DLGAP1: variants seen among roughly 807,000 people sequenced by gnomAD.
DLGAP1 encodes the protein DLG associated protein 1, also known as disks large-associated protein 1.
DLGAP1 carries 11 observed loss-of-function variants against 90.8 expected under a neutral mutation model. The ratio of observed to expected loss-of-function variants is 0.12; its 90% CI spans 0.08 to 0.20. The LOEUF (loss-of-function observed/expected upper bound fraction) is 0.20. Among genes scored for constraint, DLGAP1 ranks in the 10% least tolerant of loss-of-function variants. The pLI is 1.00. For missense variants in DLGAP1, 1,050 were observed against 1,333.8 expected (o/e 0.79, Z 3.31); for synonymous variants, 558 against 540.7 (o/e 1.03, Z -0.44).
intron 2 of DLGAP1, among the ~76,000 whole-genome samples, chr18:4,035,532 G>C (rs2074874373): frequency 6.6e-6 from 1 of 152,070 alleles, no homozygotes; most frequent in South Asian, 2.1e-4. Context: ...GGGATGAGAA[G>C]ACACAAAAAT....
At chr18:3,795,605 C>T (rs539233600) in intron 5 of DLGAP1, among the ~76,000 whole-genome samples, 155 of 152,148 alleles carry the variant, frequency 1.0e-3, no homozygotes, top group African/African-American at 3.5e-3. Flanking sequence ...TGAGTCACCG[C>T]GCCTGGCCTG....
intron 9 of DLGAP1, among the ~76,000 whole-genome samples, chr18:3,561,012 T>A (rs1336710898): frequency 2.7e-5 from 4 of 150,892 alleles, no homozygotes; most frequent in Non-Finnish European, 5.9e-5. Flanking sequence ...ATTCCTTGTA[T>A]CATTGCTGCC....
intron 7 of DLGAP1, among the ~76,000 whole-genome samples, chr18:3,655,057 C>G (rs2059433840): frequency 6.6e-6 from 1 of 152,050 alleles, no homozygotes; most frequent in Admixed American, 6.6e-5. Context: ...AACTCCAGCC[C>G]CCTGAACGGC....
intron 3 of DLGAP1, among the ~76,000 whole-genome samples, chr18:3,900,896 G>A (rs886633382): frequency 2.0e-5 from 3 of 152,038 alleles, no homozygotes; most frequent in African/African-American, 2.4e-5. Flanking sequence ...AAGCCACCTC[G>A]CCTCTCCCAT....
At chr18:4,229,820 T>C (rs2078263781) in intron 1 of DLGAP1, among the ~76,000 whole-genome samples, 1 of 152,036 alleles carries the variant, frequency 6.6e-6, no homozygotes, top group Non-Finnish European at 1.5e-5. Context: ...TAAAAGTTCC[T>C]GCACAGCAAA....
rs369894353 is a variant in DLGAP1, at chr18:3,699,019, G to T, written c.1591+30116C>A. Among the ~76,000 whole-genome samples, 13 of 152,078 alleles carry T rather than the reference G, an allele frequency of 8.5e-5. No homozygotes were observed. In the East Asian group the frequency reaches 2.1e-3, roughly 25 times the overall value. On this transcript the variant is annotated intron_variant, in intron 7 of 12. Transcript: ENST00000315677. ...GGTCATTTATGTTCTTCTCTAATCT[G>T]GTTATTCTAGCTATCAATTCCTCTA...
At chr18:4,021,865 C>T (rs989381170) in intron 2 of DLGAP1, among the ~76,000 whole-genome samples, 45 of 152,176 alleles carry the variant, frequency 3.0e-4, no homozygotes, top group Non-Finnish European at 6.0e-4. Context: ...TCCCAAAGTG[C>T]TGGGATTACA....
At chr18:4,290,055 C>T (rs758303527) in intron 1 of DLGAP1, among the ~76,000 whole-genome samples, 59 of 152,234 alleles carry the variant, frequency 3.9e-4, no homozygotes, top group Non-Finnish European at 7.5e-4. Flanking sequence ...TATAGAAGTG[C>T]TACTACATCT....
chr18:4,002,925 G>A (rs768111854), intron 3 of DLGAP1, among the ~76,000 whole-genome samples: 12 of 152,232 alleles, frequency 7.9e-5, no homozygotes, highest in African/African-American at 1.9e-4. Context: ...AAGTCTCTGC[G>A]TGTCTCTTTG....
intron 3 of DLGAP1, among the ~76,000 whole-genome samples, chr18:3,942,645 C>T (rs1489027115): frequency 6.6e-6 from 1 of 152,160 alleles, no homozygotes; most frequent in Non-Finnish European, 1.5e-5. Context: ...TGCATCTGCC[C>T]CTTCACAGTG....
intron 5 of DLGAP1, among the ~76,000 whole-genome samples, chr18:3,813,736 T>C (rs1007506014): frequency 5.3e-5 from 8 of 152,258 alleles, no homozygotes; most frequent in African/African-American, 1.9e-4. Flanking sequence ...GATACATGTA[T>C]ATTCTCATTG....
In DLGAP1 at chr18:3,845,421, C is replaced by T. The variant is rs549219560; in HGVS notation, c.958-31148G>A. The stretch of plus-strand genomic sequence containing the variant: ...GGGGAGAGTGGTTGGTCATGGCTCA[C>T]AACTCAAGATTTGCAACTTTACATT... On this transcript the variant is annotated intron_variant, in intron 4 of 12. Coordinates refer to ENST00000315677, the MANE Select transcript of DLGAP1 (RefSeq NM_004746.4). 5.3e-5 allele frequency: 72 copies of T among 1,361,230 alleles called. 1 individual carries two copies. The African/African-American group carries it at 9.6e-4, about 18-fold the overall frequency. The allele number at this position is 1,361,230 out of a possible 1,614,324, so 84.3% of individuals were successfully genotyped here.
chr18:3,728,303 T>A (rs2062265504), intron 7 of DLGAP1, among the ~76,000 whole-genome samples: 1 of 100,594 alleles, frequency 9.9e-6, no homozygotes, highest in East Asian at 3.6e-4. Context: ...GCAAATGTTA[T>A]ATATATATAT....
chr18:4,358,472 C>A (rs1187993520), intron 1 of DLGAP1, among the ~76,000 whole-genome samples: 1 of 152,152 alleles, frequency 6.6e-6, no homozygotes. Flanking sequence ...GTGTGTGCCG[C>A]TTAGGGAGTG....
intron 7 of DLGAP1, among the ~76,000 whole-genome samples, chr18:3,689,122 A>C (rs543061718): frequency 2.0e-5 from 3 of 152,340 alleles, no homozygotes; most frequent in African/African-American, 7.2e-5. Context: ...ACGTTTACTA[A>C]GTTAAAAAAT....
At chr18:4,019,358 C>G (rs898305408) in intron 2 of DLGAP1, among the ~76,000 whole-genome samples, 2 of 152,132 alleles carry the variant, frequency 1.3e-5, no homozygotes, top group East Asian at 1.9e-4. Flanking sequence ...GATTCTGACA[C>G]TTAACCTATA....
chr18:4,019,463 TCTTA>T (rs2074574529), intron 2 of DLGAP1, among the ~76,000 whole-genome samples: 2 of 152,186 alleles, frequency 1.3e-5, no homozygotes, highest in African/African-American at 2.4e-5. Flanking sequence ...AAAAGAGTCT[TCTTA>T]AAATGAAAAG....
chr18:3,532,496 T>C (rs886395824), intron 10 of DLGAP1, among the ~76,000 whole-genome samples: 5 of 151,294 alleles, frequency 3.3e-5, no homozygotes, highest in African/African-American at 1.2e-4. Flanking sequence ...GAGAATCACT[T>C]GAACCCTGGA....
rs1042859915 is a variant in DLGAP1 at position 4,017,609 on chromosome 18, G to A, written c.-158-12408C>T. ...AGCAATAGGTTACAAATAAAGCAAA[G>A]AGTGCCCCTGCTGAAACTGCTGTTT... On this transcript the variant is annotated intron_variant, in intron 2 of 12. Transcript: ENST00000315677. Among the ~76,000 whole-genome samples, 11 of 152,312 alleles carry A rather than the reference G, an allele frequency of 7.2e-5. No individual in the cohort carries two copies. In the East Asian group the frequency reaches 1.9e-3, roughly 27 times the overall value.
Sources: allele counts gnomAD v4.1 joint callset (sites outside exome capture counted in the v4.1 genomes callset), GRCh38; gene constraint gnomAD v4.1.1; transcripts MANE v1.5; gene names NCBI Gene and HGNC (gene_info 2026-07-23, HGNC 2026-07-21).